The following GULP1 variants were observed in gnomAD, a reference collection of about 807,000 sequenced individuals.
GULP1 encodes the protein PTB domain-containing engulfment adapter protein 1.
A neutral mutation model predicts 40.9 loss-of-function variants in GULP1; 19 were observed. The ratio of observed to expected loss-of-function variants is 0.46; its 90% confidence interval spans 0.32 to 0.68. The LOEUF is 0.68. Ranked by LOEUF, GULP1 falls within the 30% of genes least tolerant of loss-of-function variation. The pLI, the probability that GULP1 is intolerant of heterozygous loss-of-function variation, is 0.03. For synonymous variants in GULP1, 119 were observed against 117.6 expected, an observed-to-expected ratio of 1.01 and a Z score of -0.08; for missense variants, 312 against 362.2, an observed-to-expected ratio of 0.86 and a Z score of 1.12.
chr2:188,592,814 T>C (rs983343427), intron 11 of GULP1: 3 of 152,070 alleles, frequency 2.0e-5, no homozygotes, highest in Admixed American at 1.3e-4. Context: ...CCCAATTAGC[T>C]AACATACAAG....
chr2:188,321,438 C>G (rs1473399486), intron 1 of GULP1, among the ~76,000 whole-genome samples: 1 of 151,988 alleles, frequency 6.6e-6, no homozygotes. Flanking sequence ...ATACAATAGA[C>G]CTGATTTTTC....
At chr2:188,553,814 T>C (rs564983567) in intron 7 of GULP1, among the ~76,000 whole-genome samples, 5 of 152,204 alleles carry the variant, frequency 3.3e-5, no homozygotes, top group South Asian at 2.1e-4. Context: ...TTTTTATTAC[T>C]GATTCAATAT....
intron 7 of GULP1, among the ~76,000 whole-genome samples, chr2:188,563,499 A>G (rs1021235615): frequency 2.3e-4 from 34 of 149,826 alleles, no homozygotes; most frequent in African/African-American, 8.0e-4. Context: ...ATTTAATATA[A>G]ATTAATTTAT....
At chr2:188,485,040 C>T (rs1269428962) in intron 4 of GULP1, among the ~76,000 whole-genome samples, 1 of 152,006 alleles carries the variant, frequency 6.6e-6, no homozygotes, top group East Asian at 1.9e-4. Flanking sequence ...GAAATCTATA[C>T]TGAAAAAATT....
chr2:188,419,666 C>T lies in GULP1; in HGVS notation c.-45+35777C>T, dbSNP rs140970688. 4.6e-3 allele frequency among the ~76,000 whole-genome samples: 692 copies of T among 151,722 alleles called. 7 individuals are homozygous for T. Among genetic ancestry groups the T allele is most frequent in the African/African-American group, 0.015 (616 of 41,384 alleles). ...CCCATTCTATAGTGCTTGTTTTTCA[C>T]GCATTGTTGATTGTTTTCTTTGCTG... is the stretch of plus-strand genomic sequence containing the variant. On this transcript the variant is annotated intron_variant, in intron 2 of 11. Transcript: ENST00000409830.
chr2:188,582,441 C>G, intron 9 of GULP1: 1 of 471,708 alleles, frequency 2.1e-6, no homozygotes, highest in South Asian at 1.5e-5. Flanking sequence ...CTCAATATTT[C>G]TTCCATCTCT....
At chr2:188,404,526 G>A (rs2152672501) in intron 2 of GULP1, among the ~76,000 whole-genome samples, 1 of 152,268 alleles carries the variant, frequency 6.6e-6, no homozygotes, top group Admixed American at 6.5e-5. Context: ...CCAGTGTTGG[G>A]CAGGTTTCCA....
intron 2 of GULP1, among the ~76,000 whole-genome samples, chr2:188,440,745 G>A (rs1190012668): frequency 1.3e-5 from 2 of 152,010 alleles, no homozygotes; most frequent in African/African-American, 4.8e-5. Context: ...TCCAAACCAA[G>A]TTGTTTGTTA....
intron 4 of GULP1, among the ~76,000 whole-genome samples, chr2:188,501,043 A>G (rs1386597203): frequency 5.3e-5 from 8 of 152,016 alleles, no homozygotes; most frequent in South Asian, 2.1e-4. Flanking sequence ...TAATGACCCT[A>G]TATGTACTTA....
At position 188,397,648 on chromosome 2, in the gene GULP1, T is replaced by C. The variant is rs2152589112; in HGVS notation, c.-45+13759T>C. 2.0e-5 allele frequency among the ~76,000 whole-genome samples: 3 copies of C among 152,354 alleles called. No homozygotes were observed. In the South Asian group the frequency reaches 6.2e-4, roughly 32 times the overall value. ...TGTTTATGAATTATCTCACAGTTCC[T>C]GTGGACCAGGAATGTGGGCACAGCT... On this transcript the variant is annotated intron_variant, in intron 2 of 11. Coordinates refer to ENST00000409830, the MANE Select transcript of GULP1 (RefSeq NM_016315.4).
chr2:188,459,227 G>C (rs1255361187), intron 2 of GULP1, among the ~76,000 whole-genome samples: 1 of 152,112 alleles, frequency 6.6e-6, no homozygotes, highest in Non-Finnish European at 1.5e-5. Context: ...GGGATTGCTG[G>C]AACATATGGT....
intron 1 of GULP1, among the ~76,000 whole-genome samples, chr2:188,379,562 C>G (rs1189374180): frequency 6.6e-6 from 1 of 152,170 alleles, no homozygotes; most frequent in Non-Finnish European, 1.5e-5. Flanking sequence ...CCCTCCCTTT[C>G]ATGTCTCTTC....
At chr2:188,552,956 G>A (rs1364133435) in intron 7 of GULP1, among the ~76,000 whole-genome samples, 2 of 150,856 alleles carry the variant, frequency 1.3e-5, no homozygotes, top group African/African-American at 4.9e-5. Context: ...TTGCGCTATT[G>A]TAAATGAGAT....
intron 2 of GULP1, among the ~76,000 whole-genome samples, chr2:188,406,537 A>G (rs941859747): frequency 3.9e-5 from 6 of 152,196 alleles, no homozygotes; most frequent in Non-Finnish European, 5.9e-5. Context: ...TTTAAAAAAC[A>G]TAGAAATTAT....
At chr2:188,425,259 T>C (rs997015464) in intron 2 of GULP1, among the ~76,000 whole-genome samples, 10 of 152,280 alleles carry the variant, frequency 6.6e-5, no homozygotes, top group South Asian at 4.1e-4. Flanking sequence ...TTTCTAGCAT[T>C]GTTTAATGAT....
At chr2:188,480,111 G>A (rs1177793455) in intron 3 of GULP1, among the ~76,000 whole-genome samples, 2 of 151,986 alleles carry the variant, frequency 1.3e-5, no homozygotes, top group Non-Finnish European at 2.9e-5. Flanking sequence ...AATTTTAAGA[G>A]CCCCCGCTCC....
intron 7 of GULP1, among the ~76,000 whole-genome samples, chr2:188,567,649 GC>G (rs1223027714): frequency 6.6e-6 from 1 of 152,130 alleles, no homozygotes; most frequent in Non-Finnish European, 1.5e-5. Flanking sequence ...GGGGTGGGAG[GC>G]GAGGGGAGGG....
chr2:188,309,673 G>A, intron 1 of GULP1, among the ~76,000 whole-genome samples: 1 of 152,006 alleles, frequency 6.6e-6, no homozygotes, highest in Non-Finnish European at 1.5e-5. Flanking sequence ...TTAAGACATT[G>A]AGAGAAAAAA....
At chr2:188,293,283 A>G (rs1405627928) in intron 1 of GULP1, 3 of 152,222 alleles carry the variant, frequency 2.0e-5, no homozygotes, top group African/African-American at 4.8e-5. Context: ...TACATGCACT[A>G]TTTCAATCTG....
Sources: gnomAD v4.1 joint callset for allele counts (sites outside exome capture counted in the v4.1 genomes callset) on GRCh38, gnomAD v4.1.1 for gene constraint, MANE v1.5 for transcripts, NCBI Gene and HGNC (gene_info 2026-07-23, HGNC 2026-07-21) for gene names.